Variants in ICA1 observed in about 807,000 individuals in gnomAD.
ICA1 encodes the protein islet cell autoantigen 1.
Under a neutral mutation model 71.0 loss-of-function variants are expected in ICA1, and 40 were observed. That is an observed-to-expected ratio of 0.56 (90% CI 0.44 to 0.73). The LOEUF is 0.73. Ranked by LOEUF, ICA1 falls within the 30% of genes least tolerant of loss-of-function variation. ICA1 has a pLI of 0.00. For synonymous variants in ICA1, 207 were observed against 209.5 expected (o/e 0.99, Z 0.10); for missense variants, 578 against 576.5 (o/e 1.00, Z -0.03).
At chr7:8,141,938 C>T (rs1378096123) in intron 9 of ICA1, 121 bp from the exon 10 acceptor site, 4 of 1,433,026 alleles carry the variant, frequency 2.8e-6, no homozygotes, top group Non-Finnish European at 3.8e-6. Flanking sequence ...CACACACGCA[C>T]ACGAAGAAGG....
intron 6 of ICA1, among the ~76,000 whole-genome samples, chr7:8,210,975 A>G (rs989336662): frequency 2.0e-5 from 3 of 152,118 alleles, no homozygotes; most frequent in Admixed American, 2.0e-4. Flanking sequence ...TGAGACAGTC[A>G]GGCACTTTGG....
At chr7:8,192,216 C>T (rs1785902853) in intron 6 of ICA1, among the ~76,000 whole-genome samples, 1 of 152,152 alleles carries the variant, frequency 6.6e-6, no homozygotes, top group Non-Finnish European at 1.5e-5. Flanking sequence ...TCTTCTATAA[C>T]AAAAGAAAAT....
rs1793672254 is a variant in ICA1, at chr7:8,211,191, A to T, written c.579+7114T>A. Reference sequence around the variant, plus strand: ...AACCCACAGCTGATTTACTTAGCATATGTGTTTTGCTGGATGTTAATTTTT... The same window carrying T: ...AACCCACAGCTGATTTACTTAGCATTTGTGTTTTGCTGGATGTTAATTTTT... On this transcript the variant is annotated intron_variant, in intron 6 of 13. Transcript: ENST00000402384. Among the ~76,000 whole-genome samples the T allele has an allele frequency of 3.3e-5, 5 of 152,268 alleles. No homozygotes were observed. The South Asian group carries it at 1.0e-3, about 32-fold the overall frequency.
At chr7:8,133,932 G>A (rs1197954870) in intron 12 of ICA1, among the ~76,000 whole-genome samples, 1 of 147,810 alleles carries the variant, frequency 6.8e-6, no homozygotes, top group Non-Finnish European at 1.5e-5. Flanking sequence ...AAAAGACCCA[G>A]GTTAAATAAC....
rs1482615260 is a variant in ICA1 at position 8,223,073 on chromosome 7, T to C, written c.257-1675A>G. On this transcript the variant is annotated intron_variant, in intron 4 of 13. Transcript: ENST00000402384. The surrounding 1 kb of genome is among the most constrained non-coding windows in gnomAD (Gnocchi z 4.1). ...TTTTAATACTCACGCCATGGTTCTA[T>C]GTAGCTTTTTAAAATTCCTATAATT... Among the ~76,000 whole-genome samples the C allele has an allele frequency of 1.3e-5, 2 of 152,216 alleles. No homozygotes were observed. The highest frequency in any genetic ancestry group is 2.9e-5 in the Non-Finnish European group (2 of 68,036).
chr7:8,244,843 T>G (rs567919404), intron 1 of ICA1, among the ~76,000 whole-genome samples: 3 of 152,150 alleles, frequency 2.0e-5, no homozygotes, highest in Admixed American at 6.5e-5. Flanking sequence ...GAAATGCAAA[T>G]CAAAACCACA....
chr7:8,184,564 T>C (rs951727053), intron 6 of ICA1, among the ~76,000 whole-genome samples: 18 of 152,192 alleles, frequency 1.2e-4, no homozygotes, highest in Admixed American at 9.8e-4. Flanking sequence ...ACAAGATAGC[T>C]TTCTCTCTTC....
At chr7:8,150,634 T>C (rs907956186) in intron 8 of ICA1, among the ~76,000 whole-genome samples, 40 of 152,212 alleles carry the variant, frequency 2.6e-4, no homozygotes, top group African/African-American at 8.9e-4. Context: ...TGTAGTGACC[T>C]TCCCCTTCAA....
At chr7:8,145,918 T>C (rs1219668267) in intron 8 of ICA1, among the ~76,000 whole-genome samples, 1 of 152,116 alleles carries the variant, frequency 6.6e-6, no homozygotes, top group Non-Finnish European at 1.5e-5. Context: ...AATATAAAAA[T>C]GTGCATTCCT....
At chr7:8,225,096 T>A (rs1798215018) in intron 4 of ICA1, among the ~76,000 whole-genome samples, 1 of 152,230 alleles carries the variant, frequency 6.6e-6, no homozygotes, top group Admixed American at 6.5e-5. Context: ...GGGGAATACA[T>A]GAGACAATGC....
At position 8,226,499 on chromosome 7, in the gene ICA1, C is replaced by T. The variant is rs57472758; in HGVS notation, c.256+2102G>A. Among the ~76,000 whole-genome samples the T allele has an allele frequency of 0.084, 12,821 of 152,156 alleles. 1,298 individuals carry two copies. The highest frequency in any genetic ancestry group is 0.25 in the African/African-American group (10,214 of 41,474). ...ACTATAGATACGCTTTTATGTTTTGCTTCTTTCACTTAAAAGCATATCCTC... is the reference window on the plus strand; with the variant it reads ...ACTATAGATACGCTTTTATGTTTTGTTTCTTTCACTTAAAAGCATATCCTC... On this transcript the variant is annotated intron_variant, in intron 4 of 13. Coordinates refer to ENST00000402384, the MANE Select transcript of ICA1 (RefSeq NM_001136020.3). The surrounding 1 kb of genome is among the most constrained non-coding windows in gnomAD (Gnocchi z 4.4).
intron 6 of ICA1, among the ~76,000 whole-genome samples, chr7:8,217,624 C>A (rs915343091): frequency 1.3e-5 from 2 of 152,164 alleles, no homozygotes; most frequent in African/African-American, 4.8e-5. Context: ...CAACAAAAAT[C>A]TCGCTGCATT....
chr7:8,185,861 A>G (rs1472745810), intron 6 of ICA1, among the ~76,000 whole-genome samples: 1 of 152,246 alleles, frequency 6.6e-6, no homozygotes, highest in Non-Finnish European at 1.5e-5. Context: ...GGTGCATAGT[A>G]AGCACTCAAG....
intron 2 of ICA1, among the ~76,000 whole-genome samples, chr7:8,233,350 T>A (rs1396070722): frequency 1.3e-5 from 2 of 151,978 alleles, no homozygotes; most frequent in Admixed American, 1.3e-4. Flanking sequence ...GCAAGATGAA[T>A]AAGCTCTAGA....
chr7:8,126,393 G>C (rs12532271), intron 13 of ICA1, among the ~76,000 whole-genome samples: 4 of 151,996 alleles, frequency 2.6e-5, no homozygotes, highest in Admixed American at 6.5e-5. Context: ...GAATGAGGTG[G>C]TGAAACCTGG....
rs1797266980 is a variant in ICA1, at chr7:8,222,030, T to C, written c.257-632A>G. Reference sequence around the variant, plus strand: ...AGACAACCTCAGATGGTATTATTGGTGGGTAAGTGATTTGGTGCAAGCTTT... The same window carrying C: ...AGACAACCTCAGATGGTATTATTGGCGGGTAAGTGATTTGGTGCAAGCTTT... On this transcript the variant is annotated intron_variant, in intron 4 of 13. Transcript: ENST00000402384. This position sits in a 1 kb window ranked among gnomAD's most constrained non-coding sequence, Gnocchi z 4.8. 6.6e-6 allele frequency among the ~76,000 whole-genome samples: 1 copy of C among 152,118 alleles called. No homozygotes were observed. Among genetic ancestry groups the C allele is most frequent in the African/African-American group, 2.4e-5 (1 of 41,414 alleles).
At chr7:8,201,476 C>A (rs1013971681) in intron 6 of ICA1, among the ~76,000 whole-genome samples, 4 of 152,132 alleles carry the variant, frequency 2.6e-5, no homozygotes, top group African/African-American at 7.2e-5. Context: ...TGGAGCCCAA[C>A]TTTGTCTCAG....
intron 6 of ICA1, among the ~76,000 whole-genome samples, chr7:8,196,532 C>T (rs1787642504): frequency 6.6e-6 from 1 of 152,072 alleles, no homozygotes; most frequent in Non-Finnish European, 1.5e-5. Flanking sequence ...TCAACCTTGG[C>T]TCATTAATTG....
chr7:8,240,245 C>T (rs1418192513), intron 1 of ICA1, among the ~76,000 whole-genome samples: 1 of 152,160 alleles, frequency 6.6e-6, no homozygotes, highest in Non-Finnish European at 1.5e-5. Flanking sequence ...TGCTATTCTG[C>T]AGCCTCTGCT....
Sources: allele counts gnomAD v4.1 joint callset (sites outside exome capture counted in the v4.1 genomes callset), GRCh38; gene constraint gnomAD v4.1.1; non-coding constraint Gnocchi (gnomAD v3.1); transcripts MANE v1.5; gene names NCBI Gene and HGNC (gene_info 2026-07-23, HGNC 2026-07-21).